RABGAP1L: variants seen among roughly 807,000 people sequenced by gnomAD.
The protein encoded by RABGAP1L is RAB GTPase activating protein 1 like, also known as rab GTPase-activating protein 1-like.
A neutral mutation model predicts 137.7 loss-of-function variants in RABGAP1L; 63 were observed. The observed-to-expected ratio is 0.46, with a 90% confidence interval of 0.37 to 0.56. The LOEUF (loss-of-function observed/expected upper bound fraction) is 0.56. Among genes scored for constraint, RABGAP1L ranks in the 20% least tolerant of loss-of-function variants. The pLI, the probability that RABGAP1L is intolerant of heterozygous loss-of-function variation, is 0.00. For missense variants in RABGAP1L, 1,095 were observed against 1,244.0 expected, an observed-to-expected ratio of 0.88 and a Z score of 1.80; for synonymous variants, 431 against 433.7, an observed-to-expected ratio of 0.99 and a Z score of 0.08.
In RABGAP1L at chr1:174,326,396, A is replaced by G. The variant is rs539126872; in HGVS notation, c.1465+21269A>G. Among the ~76,000 whole-genome samples the G allele has an allele frequency of 2.2e-4, 34 of 152,334 alleles. No individual in the cohort carries two copies. The South Asian group carries it at 6.8e-3, about 31-fold the overall frequency. ...AATCAAATAGAAATCCTGGAGTTGAAGGATATAATAAACAAAATGAAAAAT... is the reference window on the plus strand; with the variant it reads ...AATCAAATAGAAATCCTGGAGTTGAGGGATATAATAAACAAAATGAAAAAT... On this transcript the variant is annotated intron_variant, in intron 11 of 25. Transcript: ENST00000681986.
At chr1:174,173,132 T>A (rs896894883) in intron 1 of RABGAP1L, among the ~76,000 whole-genome samples, 2 of 142,316 alleles carry the variant, frequency 1.4e-5, no homozygotes, top group African/African-American at 5.1e-5. Context: ...GTTAAAAAGA[T>A]TTTTTTTTTT....
At chr1:174,689,126 T>A (rs1483126063) in intron 15 of RABGAP1L, among the ~76,000 whole-genome samples, 1 of 152,088 alleles carries the variant, frequency 6.6e-6, no homozygotes, top group African/African-American at 2.4e-5. Context: ...AAAGTGTACA[T>A]TTAACTTTTA....
intron 13 of RABGAP1L, among the ~76,000 whole-genome samples, chr1:174,625,774 C>G (rs921753863): frequency 6.6e-6 from 1 of 152,008 alleles, no homozygotes; most frequent in Non-Finnish European, 1.5e-5. Context: ...CACACATGGT[C>G]AAAGTTATAA....
chr1:174,811,823 A>G lies in RABGAP1L; in HGVS notation c.2212-9A>G. 8 of 1,547,416 alleles carry G rather than the reference A, an allele frequency of 5.2e-6. No homozygotes were observed. Among genetic ancestry groups the G allele is most frequent in the Non-Finnish European group, 7.0e-6 (8 of 1,150,634 alleles). The stretch of plus-strand genomic sequence containing the variant: ...AATGTAATGACGATTCTTGATGATT[A>G]TTTTGCAGACCTCAAAGGAAGACCT... On this transcript the variant is annotated splice_polypyrimidine_tract_variant and intron_variant, in intron 18 of 25. Coordinates refer to ENST00000681986, the MANE Select transcript of RABGAP1L (RefSeq NM_001366446.1).
chr1:174,522,855 A>G (rs1663543466), intron 13 of RABGAP1L, among the ~76,000 whole-genome samples: 1 of 152,194 alleles, frequency 6.6e-6, no homozygotes, highest in Admixed American at 6.5e-5. Context: ...TGAGGATAGC[A>G]TGAAGAGGAT....
chr1:174,833,444 G>GTA (rs1692357953), intron 19 of RABGAP1L, among the ~76,000 whole-genome samples: 1 of 17,362 alleles, frequency 5.8e-5, no homozygotes, highest in Non-Finnish European at 6.2e-4. Context: ...GTGTGTGTGT[G>GTA]TAGAGATATA....
At chr1:174,173,506 A>G (rs377227652) in intron 1 of RABGAP1L, among the ~76,000 whole-genome samples, 1 of 152,104 alleles carries the variant, frequency 6.6e-6, no homozygotes, top group African/African-American at 2.4e-5. Flanking sequence ...TTCTTAATGC[A>G]TTTCTTATGA....
At chr1:174,437,181 C>T (rs186225654) in intron 13 of RABGAP1L, among the ~76,000 whole-genome samples, 99 of 152,288 alleles carry the variant, frequency 6.5e-4, no homozygotes, top group African/African-American at 2.2e-3. Flanking sequence ...TCCAAAGGAA[C>T]GCAGCTCCTC....
chr1:174,502,544 AG>A (rs1661379256), intron 13 of RABGAP1L, among the ~76,000 whole-genome samples: 1 of 149,266 alleles, frequency 6.7e-6, no homozygotes, highest in Admixed American at 6.7e-5. Flanking sequence ...ACAACTCAAG[AG>A]AAACAGAGAT....
chr1:174,438,928 G>A (rs934269933), intron 13 of RABGAP1L, among the ~76,000 whole-genome samples: 2 of 151,288 alleles, frequency 1.3e-5, no homozygotes, highest in Admixed American at 1.3e-4. Context: ...ATATCGAAAT[G>A]CAATGATTTT....
At chr1:174,812,367 C>A (rs995253967) in intron 19 of RABGAP1L, among the ~76,000 whole-genome samples, 1 of 152,228 alleles carries the variant, frequency 6.6e-6, no homozygotes, top group Non-Finnish European at 1.5e-5. Flanking sequence ...GAGTCTTGAT[C>A]TGCCCATTCC....
intron 19 of RABGAP1L, among the ~76,000 whole-genome samples, chr1:174,904,040 C>G (rs900513512): frequency 7.9e-5 from 12 of 152,010 alleles, no homozygotes; most frequent in African/African-American, 2.7e-4. Context: ...CTCCCCTCCC[C>G]CCACAGAAAA....
At position 174,761,495 on chromosome 1, in the gene RABGAP1L, G is replaced by A. The variant is rs1685214822; in HGVS notation, c.2211+9141G>A. Among the ~76,000 whole-genome samples the A allele has an allele frequency of 1.3e-5, 2 of 151,784 alleles. No homozygotes were observed. Among genetic ancestry groups the A allele is most frequent in the African/African-American group, 4.8e-5 (2 of 41,290 alleles). Reference sequence around the variant, plus strand: ...TCCTCACTTCCCAGACAATGCAGGGGCCGGGGAGAGGCGCTGCTCACTTCC... The same window carrying A: ...TCCTCACTTCCCAGACAATGCAGGGACCGGGGAGAGGCGCTGCTCACTTCC... On this transcript the variant is annotated intron_variant, in intron 18 of 25. Coordinates refer to ENST00000681986, the MANE Select transcript of RABGAP1L (RefSeq NM_001366446.1). The surrounding 1 kb of genome is among the most constrained non-coding windows in gnomAD (Gnocchi z 4.0).
chr1:174,699,948 G>T lies in RABGAP1L; in HGVS notation c.2025+298G>T, dbSNP rs944909365. Among the ~76,000 whole-genome samples, 4 of 152,240 alleles carry T rather than the reference G, an allele frequency of 2.6e-5. No homozygotes were observed. The East Asian group carries it at 7.7e-4, about 29-fold the overall frequency. ...CAAGTATTGTTTGTAGAGGAATGGA[G>T]ATATTTACAGAGTAAAAATTGAAAT... On this transcript the variant is annotated intron_variant, in intron 16 of 25. Coordinates refer to ENST00000681986, the MANE Select transcript of RABGAP1L (RefSeq NM_001366446.1).
intron 19 of RABGAP1L, among the ~76,000 whole-genome samples, chr1:174,857,295 C>G (rs1008180555): frequency 1.3e-5 from 2 of 152,206 alleles, no homozygotes; most frequent in African/African-American, 4.8e-5. Context: ...TTGTCACACC[C>G]TGCACACACC....
At chr1:174,620,193 T>C (rs1452156291) in intron 13 of RABGAP1L, among the ~76,000 whole-genome samples, 1 of 152,194 alleles carries the variant, frequency 6.6e-6, no homozygotes, top group Non-Finnish European at 1.5e-5. Flanking sequence ...TGGGAGACTT[T>C]AACACCCCAC....
intron 1 of RABGAP1L, among the ~76,000 whole-genome samples, chr1:174,162,782 T>C (rs1664597424): frequency 4.2e-5 from 3 of 72,092 alleles, no homozygotes; most frequent in Non-Finnish European, 8.4e-5. Flanking sequence ...TTTCTGTTTT[T>C]TTTTTTTTTT....
intron 13 of RABGAP1L, among the ~76,000 whole-genome samples, chr1:174,496,151 A>C (rs1660712934): frequency 6.6e-6 from 1 of 152,232 alleles, no homozygotes; most frequent in African/African-American, 2.4e-5. Context: ...TGTATTAACA[A>C]AATTTGAAAA....
intron 14 of RABGAP1L, among the ~76,000 whole-genome samples, chr1:174,660,981 T>C (rs1402993531): frequency 6.6e-6 from 1 of 152,212 alleles, no homozygotes; most frequent in Non-Finnish European, 1.5e-5. Flanking sequence ...CAATTTTTTG[T>C]CCATTTTATT....
Sources: allele counts gnomAD v4.1 joint callset (sites outside exome capture counted in the v4.1 genomes callset), GRCh38; gene constraint gnomAD v4.1.1; non-coding constraint Gnocchi (gnomAD v3.1); transcripts MANE v1.5; gene names NCBI Gene and HGNC (gene_info 2026-07-23, HGNC 2026-07-21).